Variants in OLFM3 observed in about 807,000 individuals in gnomAD.
OLFM3 encodes olfactomedin 3.
In OLFM3, 20 loss-of-function variants were observed where a neutral mutation model predicts 48.6. That is an observed-to-expected ratio of 0.41 (90% CI 0.29 to 0.60). OLFM3 has a LOEUF of 0.60. OLFM3 is among the 20% of genes least tolerant of loss of function. OLFM3 has a pLI of 0.28. For synonymous variants in OLFM3, 222 were observed against 198.1 expected (o/e 1.12, Z -1.01); for missense variants, 437 against 544.3 (o/e 0.80, Z 1.96).
intron 1 of OLFM3, 75 bp downstream of exon 1, chr1:101,996,673 A>G: frequency 6.7e-7 from 1 of 1,483,018 alleles, no homozygotes; most frequent in Admixed American, 1.7e-5. Flanking sequence ...TTTTTGACAT[A>G]TTTATTTGCA....
At chr1:101,928,570 T>G (rs148151825) in intron 1 of OLFM3, among the ~76,000 whole-genome samples, 63 of 152,228 alleles carry the variant, frequency 4.1e-4, no homozygotes, top group African/African-American at 1.3e-3. Context: ...TTGAGAAAAC[T>G]CATTAAGTCT....
chr1:101,924,013 C>A (rs1299240465), intron 1 of OLFM3, among the ~76,000 whole-genome samples: 1 of 152,074 alleles, frequency 6.6e-6, no homozygotes, highest in African/African-American at 2.4e-5. Flanking sequence ...GCTTTAAGTG[C>A]AGTAAACCAT....
Position 101,996,864 on chromosome 1 carries a change from C to G in OLFM3, c.-48G>C. The stretch of plus-strand genomic sequence containing the variant: ...CTTTACTCTCTTTTATGTAGGCTCT[C>G]CACTCACTGCAGAGACCTTTCCCTC... On this transcript the variant is annotated 5_prime_UTR_variant, in exon 1 of 6. Coordinates refer to ENST00000370103, the MANE Select transcript of OLFM3 (RefSeq NM_058170.4). 1 of 1,584,368 alleles carries G rather than the reference C, an allele frequency of 6.3e-7. No homozygotes were observed. The highest frequency in any genetic ancestry group is 8.7e-7 in the Non-Finnish European group (1 of 1,154,788).
chr1:101,906,372 C>T (rs1658550030), intron 1 of OLFM3, among the ~76,000 whole-genome samples: 1 of 151,990 alleles, frequency 6.6e-6, no homozygotes, highest in South Asian at 2.1e-4. Context: ...TGTGCATTGC[C>T]TCTTAAGTAT....
At chr1:101,818,166 C>G (rs147018617) in intron 4 of OLFM3, among the ~76,000 whole-genome samples, 1 of 152,126 alleles carries the variant, frequency 6.6e-6, no homozygotes, top group East Asian at 1.9e-4. Flanking sequence ...TAAGGAGAAG[C>G]CTGTTCAGCA....
chr1:101,962,749 CT>C (rs1660503741), intron 1 of OLFM3, among the ~76,000 whole-genome samples: 1 of 152,176 alleles, frequency 6.6e-6, no homozygotes, highest in African/African-American at 2.4e-5. Flanking sequence ...TGGCTTCAAA[CT>C]GAAAAACCTG....
chr1:101,974,111 C>T (rs1045550339), intron 1 of OLFM3, among the ~76,000 whole-genome samples: 10 of 149,474 alleles, frequency 6.7e-5, no homozygotes. Context: ...TTCCCTAACT[C>T]GTAGATAACA....
chr1:101,812,483 A>G (rs1442734357), intron 4 of OLFM3: 4 of 985,408 alleles, frequency 4.1e-6, no homozygotes, highest in Non-Finnish European at 4.8e-6. Flanking sequence ...AAATGTCTGC[A>G]TATTTCAGAT....
intron 4 of OLFM3, among the ~76,000 whole-genome samples, chr1:101,816,491 T>G (rs1654344455): frequency 6.6e-6 from 1 of 152,146 alleles, no homozygotes; most frequent in Non-Finnish European, 1.5e-5. Context: ...TGTGTGTGAG[T>G]GTCTGTCTGT....
chr1:101,995,977 A>C (rs1022781804), intron 1 of OLFM3, among the ~76,000 whole-genome samples: 1 of 152,142 alleles, frequency 6.6e-6, no homozygotes, highest in African/African-American at 2.4e-5. Flanking sequence ...ATATTTGTCC[A>C]TATTTTCCTG....
chr1:101,805,594 C>G (rs139561287), intron 5 of OLFM3, among the ~76,000 whole-genome samples: 3 of 151,700 alleles, frequency 2.0e-5, no homozygotes, highest in Non-Finnish European at 2.9e-5. Context: ...GAAGTTTCAG[C>G]GCTATTTCTT....
At chr1:101,840,110 C>T (rs972615992) in intron 1 of OLFM3, among the ~76,000 whole-genome samples, 2 of 151,858 alleles carry the variant, frequency 1.3e-5, no homozygotes, top group Non-Finnish European at 2.9e-5. Flanking sequence ...CAAAATCAAA[C>T]CAACTAAGAT....
chr1:101,961,059 A>G (rs1158801578), intron 1 of OLFM3, among the ~76,000 whole-genome samples: 1 of 152,284 alleles, frequency 6.6e-6, no homozygotes, highest in East Asian at 1.9e-4. Context: ...TAAATGTTCA[A>G]TGGCTCTAGG....
chr1:101,993,874 A>G (rs1251719267), intron 1 of OLFM3, among the ~76,000 whole-genome samples: 1 of 151,772 alleles, frequency 6.6e-6, no homozygotes, highest in Non-Finnish European at 1.5e-5. Context: ...CTGACTTTCA[A>G]GTAACTTATC....
intron 1 of OLFM3, among the ~76,000 whole-genome samples, chr1:101,954,341 C>T (rs1478138149): frequency 6.6e-6 from 1 of 151,984 alleles, no homozygotes; most frequent in Non-Finnish European, 1.5e-5. Flanking sequence ...ATAATTTCTT[C>T]TACCTATAAG....
At chr1:101,961,257 A>G (rs1353222125) in intron 1 of OLFM3, among the ~76,000 whole-genome samples, 2 of 152,040 alleles carry the variant, frequency 1.3e-5, no homozygotes, top group East Asian at 3.9e-4. Flanking sequence ...CTAATTTGTA[A>G]TTATATATAA....
chr1:101,851,517 G>A (rs1420052738), intron 1 of OLFM3, among the ~76,000 whole-genome samples: 4 of 152,162 alleles, frequency 2.6e-5, no homozygotes, highest in Non-Finnish European at 5.9e-5. Context: ...GGGTAGCTGA[G>A]TGCAGCTTGG....
At chr1:101,831,079 G>T (rs1236044749) in intron 2 of OLFM3, among the ~76,000 whole-genome samples, 3 of 152,140 alleles carry the variant, frequency 2.0e-5, no homozygotes, top group Non-Finnish European at 4.4e-5. Flanking sequence ...ATATAAATGG[G>T]CTTAATACAT....
At chr1:101,933,221 AAAAAAAAAGAG>A in intron 1 of OLFM3, among the ~76,000 whole-genome samples, 1 of 149,846 alleles carries the variant, frequency 6.7e-6, no homozygotes, top group East Asian at 1.9e-4. Context: ...AAAAAAAAAA[AAAAAAAAAGAG>A]AAAAAAGATG....
Sources: allele counts gnomAD v4.1 joint callset (sites outside exome capture counted in the v4.1 genomes callset), GRCh38; gene constraint gnomAD v4.1.1; transcripts MANE v1.5; gene names NCBI Gene and HGNC (gene_info 2026-07-23, HGNC 2026-07-21).